LAMC1: variants seen among roughly 807,000 people sequenced by gnomAD.
LAMC1 encodes laminin subunit gamma-1.
Under a neutral mutation model 173.6 loss-of-function variants are expected in LAMC1, and 38 were observed. That is an observed-to-expected ratio of 0.22 (90% CI 0.17 to 0.29). The LOEUF is 0.29. LAMC1 is among the 10% of genes least tolerant of loss of function. The pLI, the probability that LAMC1 is intolerant of heterozygous loss-of-function variation, is 1.00. For missense variants in LAMC1, 1,824 were observed against 2,051.8 expected (o/e 0.89, Z 2.14); for synonymous variants, 746 against 749.1 (o/e 1.00, Z 0.07).
At chr1:183,053,090 G>C (rs1271537935) in intron 1 of LAMC1, among the ~76,000 whole-genome samples, 1 of 152,122 alleles carries the variant, frequency 6.6e-6, no homozygotes, top group Non-Finnish European at 1.5e-5. Flanking sequence ...CCGTCATTCT[G>C]AATTTATTTG....
intron 1 of LAMC1, among the ~76,000 whole-genome samples, chr1:183,047,950 CGA>C (rs1258272848): frequency 2.0e-5 from 3 of 151,840 alleles, no homozygotes; most frequent in African/African-American, 7.3e-5. Context: ...TTTAGCTTAC[CGA>C]GAGTTAGTTC....
chr1:183,121,374 C>T lies in LAMC1; in HGVS notation c.1991-349C>T, dbSNP rs559095921. 5.9e-4 allele frequency among the ~76,000 whole-genome samples: 90 copies of T among 152,124 alleles called. 1 individual carries two copies. Among genetic ancestry groups the T allele is most frequent in the Admixed American group, 2.0e-3 (30 of 15,278 alleles). ...CCAGGAGGCGGAGATTGCAGTGAGT[C>T]GAGATTGCACCACTGCACTCCAGCC... On this transcript the variant is annotated intron_variant, in intron 11 of 27. Coordinates refer to ENST00000258341, the MANE Select transcript of LAMC1 (RefSeq NM_002293.4).
At chr1:183,029,948 C>T (rs1399880924) in intron 1 of LAMC1, among the ~76,000 whole-genome samples, 2 of 151,798 alleles carry the variant, frequency 1.3e-5, no homozygotes, top group Non-Finnish European at 2.9e-5. Context: ...CCATGTCTCT[C>T]GATTTGGGGG....
At chr1:183,137,238 G>A (rs1242153513) in intron 25 of LAMC1, among the ~76,000 whole-genome samples, 1 of 152,086 alleles carries the variant, frequency 6.6e-6, no homozygotes, top group African/African-American at 2.4e-5. Flanking sequence ...TCAGGATTGT[G>A]GTCTTTTTGT....
At chr1:183,109,812 A>C (rs1462762816) in intron 3 of LAMC1, among the ~76,000 whole-genome samples, 1 of 152,134 alleles carries the variant, frequency 6.6e-6, no homozygotes, top group East Asian at 1.9e-4. Flanking sequence ...ATGAGTCCTT[A>C]ATTTGTTATC....
chr1:183,041,802 G>A (rs190398657), intron 1 of LAMC1, among the ~76,000 whole-genome samples: 1 of 152,302 alleles, frequency 6.6e-6, no homozygotes, highest in Non-Finnish European at 1.5e-5. Flanking sequence ...TGCCCCTAGT[G>A]TACGGCATAA....
chr1:183,128,533 T>G, intron 17 of LAMC1, 61 bp from the exon 18 acceptor site: 2 of 1,429,790 alleles, frequency 1.4e-6, no homozygotes, highest in Non-Finnish European at 1.9e-6. Context: ...GAAGTGTGAT[T>G]GAGTTCTTCA....
chr1:183,139,899 G>A (rs729819), intron 26 of LAMC1, among the ~76,000 whole-genome samples: 104,990 of 151,890 alleles, frequency 0.69, 38,203 homozygotes, highest in African/African-American at 0.92. Flanking sequence ...TGCATGTGGA[G>A]GGGGAGTTTA....
At position 183,053,471 on chromosome 1, in the gene LAMC1, A is replaced by G. The variant is rs113452263; in HGVS notation, c.418+29337A>G. ...GGTTGTTTGAAAAGTATTGAGTTAC[A>G]TAATAGTTGCTTGAATGGTAAGGGT... On this transcript the variant is annotated intron_variant, in intron 1 of 27. Transcript: ENST00000258341. 3.3e-5 allele frequency among the ~76,000 whole-genome samples: 5 copies of G among 151,816 alleles called. 1 individual carries two copies. The highest frequency in any genetic ancestry group is 9.7e-5 in the African/African-American group (4 of 41,342).
chr1:183,056,613 G>A (rs1215049970), intron 1 of LAMC1, among the ~76,000 whole-genome samples: 1 of 152,112 alleles, frequency 6.6e-6, no homozygotes, highest in Non-Finnish European at 1.5e-5. Flanking sequence ...AGTCCATGAG[G>A]GGGCATAAAG....
chr1:183,127,991 T>C (rs1176603317), intron 17 of LAMC1, among the ~76,000 whole-genome samples: 1 of 152,184 alleles, frequency 6.6e-6, no homozygotes, highest in African/African-American at 2.4e-5. Context: ...TGGTTAGGAA[T>C]GGGGCTTAAT....
At chr1:183,126,711 GCATAAACACTTGC>G (rs1656630034) in intron 16 of LAMC1, among the ~76,000 whole-genome samples, 1 of 152,166 alleles carries the variant, frequency 6.6e-6, no homozygotes, top group South Asian at 2.1e-4. Context: ...CTTCTCCTTG[GCATAAACACTTGC>G]CTGGAATTGG....
chr1:183,055,081 C>T (rs983618013), intron 1 of LAMC1, among the ~76,000 whole-genome samples: 2 of 151,546 alleles, frequency 1.3e-5, no homozygotes, highest in Admixed American at 6.6e-5. Context: ...CTCCACCTCC[C>T]GGGTTCAAGC....
At chr1:183,091,597 C>T (rs1655568487) in intron 1 of LAMC1, among the ~76,000 whole-genome samples, 1 of 152,074 alleles carries the variant, frequency 6.6e-6, no homozygotes, top group East Asian at 1.9e-4. Context: ...CCTAAAATTT[C>T]TTCTCTGAAA....
At chr1:183,089,003 T>C (rs1484812389) in intron 1 of LAMC1, among the ~76,000 whole-genome samples, 3 of 152,216 alleles carry the variant, frequency 2.0e-5, no homozygotes, top group Non-Finnish European at 2.9e-5. Flanking sequence ...CTGCACAGAT[T>C]CTTAAGCTGG....
intron 11 of LAMC1, among the ~76,000 whole-genome samples, chr1:183,119,351 A>G (rs1231760383): frequency 6.6e-6 from 1 of 152,200 alleles, no homozygotes; most frequent in Non-Finnish European, 1.5e-5. Context: ...ATGAATATCC[A>G]GATAAAAATG....
chr1:183,127,423 A>C lies in LAMC1; in HGVS notation c.3123+19A>C, dbSNP rs772398509. ...GGATAAGGTAAGCTGTCAATAGTGCATTCATTCATTCATCCAGCAGACGTT... is the reference window on the plus strand; with the variant it reads ...GGATAAGGTAAGCTGTCAATAGTGCCTTCATTCATTCATCCAGCAGACGTT... On this transcript the variant is annotated intron_variant, in intron 17 of 27. Transcript: ENST00000258341. The C allele has an allele frequency of 1.9e-6, 3 of 1,606,950 alleles. No homozygotes were observed. Among genetic ancestry groups the C allele is most frequent in the African/African-American group, 2.7e-5 (2 of 74,776 alleles).
At chr1:183,132,302 AAT>A in intron 20 of LAMC1, 96 bp from the exon 21 acceptor site, 1 of 748,720 alleles carries the variant, frequency 1.3e-6, no homozygotes, top group South Asian at 2.4e-5. Flanking sequence ...AAATAATAAT[AAT>A]AATAATAATA....
Position 183,140,514 on chromosome 1 carries a change from A to G in LAMC1, c.4573+11A>G, listed in dbSNP as rs757006018. On this transcript the variant is annotated intron_variant, in intron 27 of 27. Transcript: ENST00000258341. ...TCTTGGAGCAGCTGGGTACGTAGCC[A>G]TAGAGTCATTTTTGTCAGTCTCTGA... The G allele has an allele frequency of 1.9e-6, 3 of 1,571,638 alleles. No individual in the cohort carries two copies. The highest frequency in any genetic ancestry group is 2.6e-6 in the Non-Finnish European group (3 of 1,142,744).
Sources: allele counts gnomAD v4.1 joint callset (sites outside exome capture counted in the v4.1 genomes callset), GRCh38; gene constraint gnomAD v4.1.1; transcripts MANE v1.5; gene names NCBI Gene and HGNC (gene_info 2026-07-23, HGNC 2026-07-21).